The following MADD variants were observed in gnomAD, a reference collection of about 807,000 sequenced individuals.
MADD encodes the protein MAP kinase activating death domain.
Under a neutral mutation model 176.7 loss-of-function variants are expected in MADD, and 109 were observed. The ratio of observed to expected loss-of-function variants is 0.62; its 90% CI spans 0.53 to 0.72. MADD has a LOEUF of 0.72. Among genes scored for constraint, MADD ranks in the 30% least tolerant of loss-of-function variants. MADD has a pLI of 0.00. For synonymous variants in MADD, 771 were observed against 771.3 expected, an observed-to-expected ratio of 1.00 and a Z score of 0.01; for missense variants, 1,914 against 2,045.5, an observed-to-expected ratio of 0.94 and a Z score of 1.24.
At chr11:47,284,199 T>C (rs2059101493) in exon 11 of MADD, 1 of 1,613,846 alleles carries the variant, frequency 6.2e-7, no homozygotes, top group East Asian at 2.2e-5. Flanking sequence ...GTATGGATTA[T>C]GACGATTCAA....
chr11:47,304,124 C>T (rs1203425421), intron 22 of MADD, among the ~76,000 whole-genome samples: 2 of 152,040 alleles, frequency 1.3e-5, no homozygotes, highest in African/African-American at 4.8e-5. Flanking sequence ...GACTGTTTTC[C>T]ATTCTAACTT....
Position 47,279,218 on chromosome 11 carries a change from C to T in MADD, c.1290+139C>T, listed in dbSNP as rs558661589. The T allele has an allele frequency of 5.4e-5, 38 of 708,548 alleles. 1 individual carries two copies. The highest frequency in any genetic ancestry group is 2.8e-4 in the Middle Eastern group (1 of 3,622). The allele number at this position is 708,548 out of a possible 1,614,324, so 43.9% of individuals were successfully genotyped here. ...TTCACCCTGGATGGGCTTAAGAAAA[C>T]GCGTATCCCATTTCTGGGTGGCAGA... On this transcript the variant is annotated intron_variant, in intron 7 of 32. Transcript: ENST00000402192.
In MADD at chr11:47,278,296, G is replaced by C. The variant is rs1222843633; in HGVS notation, c.1209+18G>C. 2.6e-6 allele frequency: 4 copies of C among 1,567,522 alleles called. No homozygotes were observed. The Admixed American group carries it at 6.7e-5, about 26-fold the overall frequency. ...GCAATAGGGTGAGGTTCTTGGCTGA[G>C]GCATTGTAGAGTCTAGAGGAGGATT... is the stretch of plus-strand genomic sequence containing the variant. On this transcript the variant is annotated intron_variant, in intron 6 of 32. Coordinates refer to ENST00000402192, the Ensembl canonical transcript of MADD.
In MADD at chr11:47,273,988, G is replaced by A. The variant is rs2047357929; in HGVS notation, c.62+12G>A. On this transcript the variant is annotated intron_variant, in intron 2 of 32. Transcript: ENST00000402192. ...ATCGTAGGGGCCAGGTAACCAAGAA[G>A]AGATTGACTTTTGTCTTAATATCTG... 6.2e-7 allele frequency: 1 copy of A among 1,613,054 alleles called. No individual in the cohort carries two copies. The highest frequency in any genetic ancestry group is 1.3e-5 in the African/African-American group (1 of 74,908).
At chr11:47,282,843 A>G (rs75286068) in exon 10 of MADD, 1 of 1,614,126 alleles carries the variant, frequency 6.2e-7, no homozygotes, top group Non-Finnish European at 8.5e-7. Context: ...ATTGGTGACA[A>G]GCCAAAGTGG....
chr11:47,287,075 C>T (rs1419002843), intron 15 of MADD, among the ~76,000 whole-genome samples: 2 of 152,198 alleles, frequency 1.3e-5, no homozygotes, highest in East Asian at 3.9e-4. Flanking sequence ...CCTGTAATCC[C>T]AGCACTTTGG....
intron 20 of MADD, 70 bp from the exon 23 acceptor site, chr11:47,295,426 G>T: frequency 1.6e-6 from 2 of 1,262,576 alleles, no homozygotes; most frequent in Non-Finnish European, 2.3e-6. Flanking sequence ...AAAGAAAAAG[G>T]TACAGTATTT....
intron 22 of MADD, among the ~76,000 whole-genome samples, chr11:47,305,495 G>C (rs1045397922): frequency 2.0e-5 from 3 of 152,124 alleles, no homozygotes; most frequent in African/African-American, 7.2e-5. Flanking sequence ...TTTGGGCCTA[G>C]GGAGCAGGGT....
At chr11:47,282,201 A>G (rs957934815) in intron 8 of MADD, among the ~76,000 whole-genome samples, 180 bp from the exon 9 acceptor site, 8 of 152,142 alleles carry the variant, frequency 5.3e-5, no homozygotes, top group African/African-American at 1.9e-4. Context: ...GTAAAATCAA[A>G]GTGAAGAAAT....
chr11:47,321,283 C>T (rs2094435596), intron 27 of MADD, among the ~76,000 whole-genome samples: 1 of 152,212 alleles, frequency 6.6e-6, no homozygotes, highest in Non-Finnish European at 1.5e-5. Flanking sequence ...GAGATAACCA[C>T]AGAGTCAGAC....
exon 33 of MADD, chr11:47,329,052 G>A (rs749908343): frequency 6.8e-6 from 11 of 1,613,794 alleles, no homozygotes; most frequent in East Asian, 2.2e-5. Context: ...CTAGGCCCAC[G>A]AAATCTGCTA....
At chr11:47,316,396 T>C (rs988027984) in intron 27 of MADD, among the ~76,000 whole-genome samples, 4 of 147,170 alleles carry the variant, frequency 2.7e-5, no homozygotes, top group East Asian at 3.9e-4. Context: ...TTTTTTTTTT[T>C]TTTTTTTTTT....
At chr11:47,329,239 GT>G (rs2142755698) in exon 33 of MADD, 1 of 991,234 alleles carries the variant, frequency 1.0e-6, no homozygotes, top group South Asian at 1.3e-5. Context: ...TGACTGAGGA[GT>G]GGATGATGCT....
At chr11:47,314,713 G>A (rs1377200414) in intron 26 of MADD, among the ~76,000 whole-genome samples, 1 of 152,114 alleles carries the variant, frequency 6.6e-6, no homozygotes, top group African/African-American at 2.4e-5. Context: ...TTCCAAATAC[G>A]TATCTCTGAG....
At chr11:47,271,841 C>T (rs528123745) in intron 1 of MADD, 1 of 152,032 alleles carries the variant, frequency 6.6e-6, no homozygotes, top group African/African-American at 2.4e-5. Flanking sequence ...CCCTTGGATT[C>T]TGCTCAGGAG....
intron 15 of MADD, among the ~76,000 whole-genome samples, chr11:47,287,734 G>C (rs532377538): frequency 2.7e-5 from 4 of 150,500 alleles, no homozygotes; most frequent in Admixed American, 1.3e-4. Context: ...TCTCTGGATG[G>C]TATGACGAAA....
chr11:47,319,224 C>T (rs571699308), intron 27 of MADD, among the ~76,000 whole-genome samples: 36 of 151,342 alleles, frequency 2.4e-4, no homozygotes, highest in African/African-American at 8.3e-4. Context: ...ATCCACCCAC[C>T]GACTTCAAGA....
At chr11:47,318,272 A>C (rs889835310) in intron 27 of MADD, among the ~76,000 whole-genome samples, 4 of 152,164 alleles carry the variant, frequency 2.6e-5, no homozygotes, top group Non-Finnish European at 5.9e-5. Context: ...AATTTTGCCT[A>C]TGTTATCTGT....
intron 7 of MADD, among the ~76,000 whole-genome samples, chr11:47,280,826 C>A (rs1328624608): frequency 6.6e-6 from 1 of 152,142 alleles, no homozygotes; most frequent in East Asian, 1.9e-4. Flanking sequence ...CTTGGCCTCC[C>A]AAAGTATTGG....
Sources: allele counts gnomAD v4.1 joint callset (sites outside exome capture counted in the v4.1 genomes callset), GRCh38; gene constraint gnomAD v4.1.1; transcripts MANE v1.5; gene names NCBI Gene and HGNC (gene_info 2026-07-23, HGNC 2026-07-21).